Variants in SIMC1 observed in about 807,000 individuals in gnomAD.
SIMC1 encodes SUMO interacting motifs containing 1, also known as SUMO-interacting motif-containing protein 1.
SIMC1 carries 55 observed loss-of-function variants against 82.3 expected under a neutral mutation model. That is an observed-to-expected ratio of 0.67 (90% CI 0.54 to 0.84). The LOEUF (loss-of-function observed/expected upper bound fraction) is 0.84, where lower values mean the gene tolerates loss of function less well. Ranked by LOEUF, SIMC1 falls within the 40% of genes least tolerant of loss-of-function variation. The probability of loss-of-function intolerance (pLI) is 0.00; values close to 1 mark genes in which losing one functional copy is unlikely to be tolerated. For missense variants in SIMC1, 915 were observed against 1,107.2 expected, an observed-to-expected ratio of 0.83 and a Z score of 2.46; for synonymous variants, 353 against 426.3, an observed-to-expected ratio of 0.83 and a Z score of 2.12.
chr5:176,331,089 A>T (rs58267972), intron 7 of SIMC1, among the ~76,000 whole-genome samples: 9,186 of 152,234 alleles, frequency 0.06, 368 homozygotes, highest in African/African-American at 0.11. Flanking sequence ...TCCTTGAAAA[A>T]AACTGGCATG....
chr5:176,275,238 A>T (rs796438932), intron 1 of SIMC1, among the ~76,000 whole-genome samples: 1 of 151,690 alleles, frequency 6.6e-6, no homozygotes, highest in Non-Finnish European at 1.5e-5. Flanking sequence ...CTTTGAAGCA[A>T]TTGTGAATGG....
chr5:176,303,616 G>A (rs539916901), intron 4 of SIMC1, among the ~76,000 whole-genome samples: 5 of 152,252 alleles, frequency 3.3e-5, no homozygotes, highest in South Asian at 2.1e-4. Context: ...CACCATGCCC[G>A]GCCAGTCAAA....
At chr5:176,255,437 G>T (rs1761818205) in intron 1 of SIMC1, among the ~76,000 whole-genome samples, 1 of 151,960 alleles carries the variant, frequency 6.6e-6, no homozygotes, top group African/African-American at 2.4e-5. Context: ...CAAAAAATGA[G>T]CTGGGTGTAG....
intron 4 of SIMC1, chr5:176,308,039 T>C (rs1764501696): frequency 1.4e-6 from 1 of 690,834 alleles, no homozygotes; most frequent in Non-Finnish European, 2.7e-6. Flanking sequence ...TATTTAGTAA[T>C]TAAAAGCAAT....
rs574477476 is a variant in SIMC1 at position 176,274,680 on chromosome 5, G to A, written c.130-14974G>A. On this transcript the variant is annotated intron_variant, in intron 1 of 9. Coordinates refer to ENST00000429602, the MANE Select transcript of SIMC1 (RefSeq NM_001308195.2). ...TTTAATCCATCTTGAATTGATTTTC[G>A]TATAAGGTGTAAGGAAGGGATCCAG... Among the ~76,000 whole-genome samples, 140 of 151,848 alleles carry A rather than the reference G, an allele frequency of 9.2e-4. 1 individual carries two copies. In the South Asian group the frequency reaches 0.015, roughly 17 times the overall value.
chr5:176,322,534 C>A, intron 6 of SIMC1, 109 bp downstream of exon 6: 2 of 1,284,720 alleles, frequency 1.6e-6, no homozygotes, highest in Non-Finnish European at 2.1e-6. Flanking sequence ...GATCTTAGAA[C>A]ATAGGCTGAT....
intron 9 of SIMC1, among the ~76,000 whole-genome samples, chr5:176,342,748 A>G (rs1319043878): frequency 6.6e-6 from 1 of 152,234 alleles, no homozygotes; most frequent in Non-Finnish European, 1.5e-5. Context: ...CTCCGTGGCT[A>G]GAGTGGGCTG....
chr5:176,306,961 C>T (rs1020784329), intron 4 of SIMC1, among the ~76,000 whole-genome samples: 1 of 150,908 alleles, frequency 6.6e-6, no homozygotes, highest in African/African-American at 2.4e-5. Flanking sequence ...AACTCAACAA[C>T]AAATGAATAA....
In SIMC1 at chr5:176,303,862, C is replaced by A. The variant is rs756546055; in HGVS notation, c.1734+7542C>A. On this transcript the variant is annotated intron_variant, in intron 4 of 9. Transcript: ENST00000429602. ...ATAGGAAAAAGTGGATATCCACTTG[C>A]AAAAGAATGAAGTTGGACTCTGAAC... 2.3e-4 allele frequency among the ~76,000 whole-genome samples: 35 copies of A among 152,050 alleles called. 1 individual carries two copies. The highest frequency in any genetic ancestry group is 4.0e-4 in the Non-Finnish European group (27 of 67,998).
chr5:176,288,423 GAATAAATA>G (rs150243423), intron 1 of SIMC1, among the ~76,000 whole-genome samples: 42 of 126,796 alleles, frequency 3.3e-4, no homozygotes, highest in South Asian at 8.1e-4. Flanking sequence ...ATGAATGAAT[GAATAAATA>G]AATAAATAAA....
intron 4 of SIMC1, among the ~76,000 whole-genome samples, chr5:176,302,188 C>A (rs1337013324): frequency 1.3e-5 from 2 of 151,952 alleles, no homozygotes; most frequent in East Asian, 1.9e-4. Flanking sequence ...TTGGTTGAAT[C>A]CATGGATGCA....
Position 176,296,308 on chromosome 5 carries a change from C to G in SIMC1, c.1722C>G (p.Val574=). 6.2e-7 allele frequency: 1 copy of G among 1,613,302 alleles called. No homozygotes were observed. The highest frequency in any genetic ancestry group is 1.1e-5 in the South Asian group (1 of 90,992). Residue 574 remains valine, a synonymous_variant, in exon 4 of 10, where the codon GTC becomes GTG. Transcript: ENST00000429602. The part of the protein sequence containing the change: ...VEWDWKLLTY[V]MEEEGQTLPG... ...GGGACTGGAAACTGCTCACCTATGT[C>G]ATGGAGGAAGAGGTAACAACAATTA...
chr5:176,341,258 T>C (rs1375734423), intron 9 of SIMC1, among the ~76,000 whole-genome samples: 2 of 152,210 alleles, frequency 1.3e-5, no homozygotes, highest in Non-Finnish European at 2.9e-5. Context: ...GGCAAAAAGA[T>C]GCTTAGTGAG....
chr5:176,315,716 T>C (rs561843444), intron 5 of SIMC1, among the ~76,000 whole-genome samples: 4 of 152,328 alleles, frequency 2.6e-5, no homozygotes, highest in Admixed American at 6.5e-5. Context: ...CGTTTCGTTA[T>C]GTTTTGGGCA....
At chr5:176,257,808 C>T (rs181284442) in intron 1 of SIMC1, among the ~76,000 whole-genome samples, 55 of 152,068 alleles carry the variant, frequency 3.6e-4, no homozygotes, top group African/African-American at 1.2e-3. Context: ...TTCTTTGGGC[C>T]GTATAATTAT....
chr5:176,308,274 T>G (rs1764512178), intron 4 of SIMC1: 1 of 1,493,994 alleles, frequency 6.7e-7, no homozygotes, highest in Non-Finnish European at 9.3e-7. Flanking sequence ...GCCATCAGAA[T>G]TGTTCACATT....
intron 1 of SIMC1, among the ~76,000 whole-genome samples, chr5:176,275,798 A>C (rs1243368022): frequency 6.6e-6 from 1 of 151,802 alleles, no homozygotes; most frequent in East Asian, 1.9e-4. Flanking sequence ...ATATTGAACC[A>C]GCCTTGCATC....
At chr5:176,336,983 G>A (rs762949248) in intron 8 of SIMC1, 79 bp from the exon 9 acceptor site, 4 of 1,602,364 alleles carry the variant, frequency 2.5e-6, no homozygotes, top group Middle Eastern at 1.7e-4. Flanking sequence ...TGAGCATTCT[G>A]TAAAGGTGAA....
intron 4 of SIMC1, 34 bp downstream of exon 4, chr5:176,296,354 G>A: frequency 6.2e-7 from 1 of 1,612,804 alleles, no homozygotes. Context: ...TCTTCTGTAG[G>A]GGAAGTTTTA....
Sources: gnomAD v4.1 joint callset for allele counts (sites outside exome capture counted in the v4.1 genomes callset) on GRCh38, gnomAD v4.1.1 for gene constraint, MANE v1.5 for transcripts, NCBI Gene and HGNC (gene_info 2026-07-23, HGNC 2026-07-21) for gene names.